DHRS7B: variants seen among roughly 807,000 people sequenced by gnomAD.
The protein encoded by DHRS7B is peroxisomal reductase activating PPAR-gamma.
DHRS7B carries 24 observed loss-of-function variants against 26.4 expected under a neutral mutation model. That is an observed-to-expected ratio of 0.91 (90% CI 0.66 to 1.28). DHRS7B has a LOEUF of 1.28. Ranked by LOEUF, DHRS7B falls within the 50% of genes most tolerant of loss-of-function variation. DHRS7B has a pLI of 0.00. For synonymous variants in DHRS7B, 142 were observed against 166.4 expected, an observed-to-expected ratio of 0.85 and a Z score of 1.13; for missense variants, 368 against 419.4, an observed-to-expected ratio of 0.88 and a Z score of 1.07.
At chr17:21,176,861 T>G (rs1228615177) in intron 2 of DHRS7B, among the ~76,000 whole-genome samples, 1 of 152,120 alleles carries the variant, frequency 6.6e-6, no homozygotes, top group African/African-American at 2.4e-5. Context: ...AAGTCCACTC[T>G]CTTGGCTGCT....
At position 21,139,535 on chromosome 17, in the gene DHRS7B, G is replaced by A. The variant is rs535429559; in HGVS notation, c.20+12544G>A. On this transcript the variant is annotated intron_variant, in intron 1 of 6. Coordinates refer to ENST00000395511, the MANE Select transcript of DHRS7B (RefSeq NM_015510.5). ...CTAAAAATACAAAAATTAGCTGGGC[G>A]TGGTGGCACGTGCCTGTAATCCCAG... Among the ~76,000 whole-genome samples, 10 of 152,106 alleles carry A rather than the reference G, an allele frequency of 6.6e-5. No individual in the cohort carries two copies. The South Asian group carries it at 1.0e-3, about 16-fold the overall frequency.
intron 2 of DHRS7B, among the ~76,000 whole-genome samples, chr17:21,174,915 G>T (rs927034589): frequency 2.0e-5 from 3 of 152,190 alleles, no homozygotes; most frequent in Non-Finnish European, 4.4e-5. Flanking sequence ...CTGCTGCTCT[G>T]CTGAGAAGCG....
At position 21,171,384 on chromosome 17, in the gene DHRS7B, G is replaced by A. The variant is rs939226274; in HGVS notation, c.21-634G>A. ...GGCAGGAACATGCCACAGGCACAGC[G>A]GGGCAGCACGCTCACCGGCCGGAGC... On this transcript the variant is annotated intron_variant, in intron 1 of 6. Transcript: ENST00000395511. Among the ~76,000 whole-genome samples, 4 of 152,336 alleles carry A rather than the reference G, an allele frequency of 2.6e-5. No homozygotes were observed. The East Asian group carries it at 5.8e-4, about 22-fold the overall frequency.
At chr17:21,180,072 T>A (rs903897848) in intron 3 of DHRS7B, among the ~76,000 whole-genome samples, 10 of 139,060 alleles carry the variant, frequency 7.2e-5, no homozygotes, top group Non-Finnish European at 1.5e-4. Flanking sequence ...CAGCCCACTT[T>A]CTTTTTTTTT....
chr17:21,140,950 T>A (rs1259286433), intron 1 of DHRS7B, among the ~76,000 whole-genome samples: 1 of 152,146 alleles, frequency 6.6e-6, no homozygotes, highest in Non-Finnish European at 1.5e-5. Flanking sequence ...TTTTGTGTGG[T>A]GGATCAATAT....
At chr17:21,138,336 G>A (rs1256799735) in intron 1 of DHRS7B, among the ~76,000 whole-genome samples, 1 of 144,116 alleles carries the variant, frequency 6.9e-6, no homozygotes, top group Non-Finnish European at 1.5e-5. Context: ...CCATTCTCCT[G>A]CCTCAGCCTC....
intron 3 of DHRS7B, among the ~76,000 whole-genome samples, chr17:21,182,511 A>G (rs1974536500): frequency 6.6e-6 from 1 of 151,856 alleles, no homozygotes; most frequent in Non-Finnish European, 1.5e-5. Context: ...GGCCTCCCAA[A>G]GTGCTAGGAT....
rs544537049 is a variant in DHRS7B, at chr17:21,179,978, C to A, written c.309+1636C>A. On this transcript the variant is annotated intron_variant, in intron 3 of 6. Coordinates refer to ENST00000395511, the MANE Select transcript of DHRS7B (RefSeq NM_015510.5). ...ACGGGGCTTCTCCATATTGGTCAGG[C>A]TGGTCTCTAACTCCCGACCTCAGGC... Among the ~76,000 whole-genome samples, 9 of 151,238 alleles carry A rather than the reference C, an allele frequency of 6.0e-5. No homozygotes were observed. The South Asian group carries it at 1.9e-3, about 31-fold the overall frequency.
intron 1 of DHRS7B, among the ~76,000 whole-genome samples, chr17:21,141,302 ACAG>A (rs1436102875): frequency 2.0e-5 from 3 of 152,222 alleles, no homozygotes; most frequent in Non-Finnish European, 1.5e-5. Flanking sequence ...ACATATGAAA[ACAG>A]CAGTTCAATT....
At chr17:21,179,172 T>C (rs1974457929) in intron 3 of DHRS7B, among the ~76,000 whole-genome samples, 1 of 152,200 alleles carries the variant, frequency 6.6e-6, no homozygotes, top group African/African-American at 2.4e-5. Flanking sequence ...AGATTGGTCT[T>C]GGACTTGTGG....
At position 21,191,148 on chromosome 17, in the gene DHRS7B, T is replaced by G. The variant is rs190206909; in HGVS notation, c.973T>G (p.Ser325Ala). ...RARKERKSKN[S>A] ...CAGAAAAGAGCGGAAATCCAAGAAC[T>G]CCTAGTACTCTGACCAGCCAGGGCC... Residue 325 changes from serine to alanine, a missense_variant, in exon 7 of 7, where the codon TCC becomes GCC. Coordinates refer to ENST00000395511, the MANE Select transcript of DHRS7B (RefSeq NM_015510.5). 1.9e-6 allele frequency: 3 copies of G among 1,613,340 alleles called. No homozygotes were observed. In the East Asian group the frequency reaches 6.7e-5, roughly 36 times the overall value.
chr17:21,162,110 A>G (rs887715816), intron 1 of DHRS7B, among the ~76,000 whole-genome samples: 9 of 151,942 alleles, frequency 5.9e-5, no homozygotes, highest in Non-Finnish European at 1.2e-4. Context: ...CAACAGAGAC[A>G]TGATGATTTA....
chr17:21,141,331 C>T (rs1207001860), intron 1 of DHRS7B, among the ~76,000 whole-genome samples: 2 of 151,980 alleles, frequency 1.3e-5, no homozygotes, highest in Non-Finnish European at 2.9e-5. Flanking sequence ...CACAAATGCA[C>T]ACAGAAAAAC....
chr17:21,132,516 G>C lies in DHRS7B; in HGVS notation c.20+5525G>C, dbSNP rs571793404. Among the ~76,000 whole-genome samples the C allele has an allele frequency of 6.4e-4, 89 of 138,726 alleles. 1 individual carries two copies. The highest frequency in any genetic ancestry group is 1.5e-3 in the Admixed American group (21 of 13,626). The allele number at this position is 138,726 out of a possible 152,430, so 91.0% of individuals were successfully genotyped here. ...ACTGCACCCCAGCCTAGGTGGCAGA[G>C]GGAGACCTTGTCTCAAAAAAAAAAA... On this transcript the variant is annotated intron_variant, in intron 1 of 6. Coordinates refer to ENST00000395511, the MANE Select transcript of DHRS7B (RefSeq NM_015510.5).
At chr17:21,153,093 T>G (rs1973807686) in intron 1 of DHRS7B, among the ~76,000 whole-genome samples, 1 of 152,184 alleles carries the variant, frequency 6.6e-6, no homozygotes, top group African/African-American at 2.4e-5. Flanking sequence ...AATGCTGGAT[T>G]TATCAGACCA....
intron 1 of DHRS7B, among the ~76,000 whole-genome samples, chr17:21,141,640 A>AAAAAAAACAAAAAAAAAG: frequency 2.2e-5 from 2 of 90,078 alleles, no homozygotes; most frequent in African/African-American, 4.3e-5. Flanking sequence ...AAAAAAAAAA[A>AAAAAAAACAAAAAAAAAG]CAACCTCATC....
At chr17:21,157,042 C>T (rs530723050) in intron 1 of DHRS7B, among the ~76,000 whole-genome samples, 2 of 152,186 alleles carry the variant, frequency 1.3e-5, no homozygotes, top group Admixed American at 1.3e-4. Flanking sequence ...TCTGAATGGG[C>T]CTGTATCTAT....
intron 1 of DHRS7B, chr17:21,166,127 C>G (rs1974107871): frequency 1.0e-6 from 1 of 983,536 alleles, no homozygotes; most frequent in Admixed American, 6.2e-5. Flanking sequence ...CCTTTCTCCG[C>G]CCCCCCTCAC....
At chr17:21,170,018 G>A (rs1042400845) in intron 1 of DHRS7B, among the ~76,000 whole-genome samples, 1 of 152,082 alleles carries the variant, frequency 6.6e-6, no homozygotes, top group Non-Finnish European at 1.5e-5. Flanking sequence ...CCATCCAGCC[G>A]GGTTGAACTC....
Sources: allele counts gnomAD v4.1 joint callset (sites outside exome capture counted in the v4.1 genomes callset), GRCh38; gene constraint gnomAD v4.1.1; transcripts MANE v1.5; gene names NCBI Gene and HGNC (gene_info 2026-07-23, HGNC 2026-07-21).